Variants in EIF3H observed in about 807,000 individuals in gnomAD.
EIF3H encodes eukaryotic translation initiation factor 3 subunit H, also known as eIF-3-gamma.
Under a neutral mutation model 44.2 loss-of-function variants are expected in EIF3H, and 26 were observed. That is an observed-to-expected ratio of 0.59 (90% CI 0.43 to 0.82). The LOEUF (loss-of-function observed/expected upper bound fraction) is 0.82. Ranked by LOEUF, EIF3H falls within the 40% of genes least tolerant of loss-of-function variation. EIF3H has a pLI of 0.00. For missense variants in EIF3H, 359 were observed against 432.8 expected, an observed-to-expected ratio of 0.83 and a Z score of 1.51; for synonymous variants, 166 against 151.9, an observed-to-expected ratio of 1.09 and a Z score of -0.68.
intron 2 of EIF3H, among the ~76,000 whole-genome samples, chr8:116,668,369 A>G (rs2130811832): frequency 6.6e-6 from 1 of 152,364 alleles, no homozygotes; most frequent in South Asian, 2.1e-4. Flanking sequence ...GAGTGAGATC[A>G]TACAAGGTTT....
At chr8:116,680,831 A>T (rs1813972689) in intron 2 of EIF3H, among the ~76,000 whole-genome samples, 1 of 59,596 alleles carries the variant, frequency 1.7e-5, no homozygotes, top group Non-Finnish European at 4.0e-5. Flanking sequence ...AATAAAAAAA[A>T]ATAATAATAA....
chr8:116,684,002 C>T (rs1209859727), intron 2 of EIF3H, among the ~76,000 whole-genome samples: 1 of 152,082 alleles, frequency 6.6e-6, no homozygotes, highest in Non-Finnish European at 1.5e-5. Flanking sequence ...GTTTCTGCCC[C>T]CATTTGACAG....
intron 1 of EIF3H, among the ~76,000 whole-genome samples, chr8:116,747,695 A>G (rs1815261783): frequency 6.6e-6 from 1 of 152,236 alleles, no homozygotes; most frequent in Non-Finnish European, 1.5e-5. Context: ...TTCCATTTCA[A>G]TGGAATTTAA....
chr8:116,665,784 C>G (rs1813655569), intron 2 of EIF3H, among the ~76,000 whole-genome samples: 1 of 152,212 alleles, frequency 6.6e-6, no homozygotes, highest in African/African-American at 2.4e-5. Context: ...TTATTCTGTG[C>G]TTTCCTCTTC....
chr8:116,692,836 C>T (rs1009235274), intron 2 of EIF3H, among the ~76,000 whole-genome samples: 2 of 152,148 alleles, frequency 1.3e-5, no homozygotes, highest in Non-Finnish European at 2.9e-5. Flanking sequence ...CTGGTTTTCA[C>T]AATCTGTTGA....
intron 2 of EIF3H, among the ~76,000 whole-genome samples, chr8:116,684,970 C>T (rs1207739642): frequency 1.3e-5 from 2 of 152,072 alleles, no homozygotes; most frequent in Admixed American, 6.5e-5. Context: ...ACTATTTATT[C>T]GTAAGGGATA....
chr8:116,663,331 G>A (rs1354041471), intron 2 of EIF3H, among the ~76,000 whole-genome samples: 2 of 152,178 alleles, frequency 1.3e-5, no homozygotes, highest in Non-Finnish European at 2.9e-5. Flanking sequence ...AACAGGCACT[G>A]ATTGGCAACT....
chr8:116,647,336 G>A lies in EIF3H; in HGVS notation c.829-733C>T, dbSNP rs970052621. 2.0e-5 allele frequency among the ~76,000 whole-genome samples: 3 copies of A among 152,110 alleles called. No homozygotes were observed. The East Asian group carries it at 5.8e-4, about 29-fold the overall frequency. ...AGGCTGGTCTCAAACCCCTGACCTC[G>A]TGATCCACCCGCCTCGGCCTCCCCA... On this transcript the variant is annotated intron_variant, in intron 6 of 7. Coordinates refer to ENST00000521861, the MANE Select transcript of EIF3H (RefSeq NM_003756.3).
At chr8:116,680,775 A>G (rs1335308953) in intron 2 of EIF3H, among the ~76,000 whole-genome samples, 1 of 147,818 alleles carries the variant, frequency 6.8e-6, no homozygotes, top group Non-Finnish European at 1.5e-5. Flanking sequence ...CTATTGTCCT[A>G]TGACCCTGCC....
At chr8:116,686,846 C>A (rs77550491) in intron 2 of EIF3H, among the ~76,000 whole-genome samples, 1,800 of 152,090 alleles carry the variant, frequency 0.012, 38 homozygotes, top group African/African-American at 0.04. Flanking sequence ...AACCACTGTG[C>A]AAAGGGATAA....
chr8:116,732,975 G>A (rs1814977251), intron 1 of EIF3H, among the ~76,000 whole-genome samples: 1 of 152,030 alleles, frequency 6.6e-6, no homozygotes, highest in Non-Finnish European at 1.5e-5. Context: ...CAAAGTTAAG[G>A]ACACAGTCCT....
At chr8:116,681,649 A>T (rs937280488) in intron 2 of EIF3H, among the ~76,000 whole-genome samples, 1 of 148,196 alleles carries the variant, frequency 6.7e-6, no homozygotes, top group Admixed American at 6.7e-5. Flanking sequence ...CTGGGCAACA[A>T]GAGCGAAACT....
chr8:116,700,312 A>C (rs183735656), intron 2 of EIF3H, among the ~76,000 whole-genome samples: 1,577 of 152,298 alleles, frequency 0.01, 15 homozygotes, highest in Non-Finnish European at 0.017. Context: ...CCATCTCCTA[A>C]AGCAAGTTTG....
In EIF3H at chr8:116,643,957, TC is replaced by T. The variant is rs1184897538; in HGVS notation, c.*1048del. The T allele has an allele frequency of 2.0e-5, 3 of 151,110 alleles. No homozygotes were observed. The highest frequency in any genetic ancestry group is 7.3e-5 in the African/African-American group (3 of 41,346). The allele number at this position is 151,110 out of a possible 1,614,324, so 9.4% of individuals were successfully genotyped here. On this transcript the variant is annotated 3_prime_UTR_variant, in exon 8 of 8. Transcript: ENST00000521861. ...TGTTTTTCCCAATGTACTACCATTC[TC>T]CTAATTCCTAATTCCTCATTCACAA...
chr8:116,731,531 T>C (rs1353685457), intron 1 of EIF3H, among the ~76,000 whole-genome samples: 1 of 152,168 alleles, frequency 6.6e-6, no homozygotes, highest in Admixed American at 6.5e-5. Flanking sequence ...GTTTTAAGAC[T>C]TCGTGGGTTG....
At position 116,747,838 on chromosome 8, in the gene EIF3H, G is replaced by C. The variant is rs184193006; in HGVS notation, c.132+7828C>G. 1.2e-4 allele frequency among the ~76,000 whole-genome samples: 18 copies of C among 152,144 alleles called. No individual in the cohort carries two copies. In the East Asian group the frequency reaches 3.5e-3, roughly 29 times the overall value. On this transcript the variant is annotated intron_variant, in intron 1 of 7. Coordinates refer to ENST00000521861, the MANE Select transcript of EIF3H (RefSeq NM_003756.3). ...CAAAGCATTCCCACCAGCCTGCTGCGGTGGCTCACACCTGTAATCCCAACA... is the reference window on the plus strand; with the variant it reads ...CAAAGCATTCCCACCAGCCTGCTGCCGTGGCTCACACCTGTAATCCCAACA...
At chr8:116,658,671 C>G (rs1813532420) in intron 3 of EIF3H, 142 bp downstream of exon 3, 4 of 723,056 alleles carry the variant, frequency 5.5e-6, no homozygotes, top group African/African-American at 5.5e-5. Context: ...CTAGACTGAG[C>G]TGCTGCTGAG....
At chr8:116,675,750 T>C (rs1563639562) in intron 2 of EIF3H, among the ~76,000 whole-genome samples, 3 of 152,224 alleles carry the variant, frequency 2.0e-5, no homozygotes, top group African/African-American at 2.4e-5. Context: ...AAATATGTAA[T>C]TGATGTAAAA....
upstream of EIF3H, among the ~76,000 whole-genome samples, chr8:116,756,820 T>G (rs534232091): frequency 2.6e-5 from 4 of 152,334 alleles, no homozygotes; most frequent in South Asian, 8.3e-4. Context: ...CACCAAACCC[T>G]AGGTCACACA....
Sources: gnomAD v4.1 joint callset for allele counts (sites outside exome capture counted in the v4.1 genomes callset) on GRCh38, gnomAD v4.1.1 for gene constraint, MANE v1.5 for transcripts, NCBI Gene and HGNC (gene_info 2026-07-23, HGNC 2026-07-21) for gene names.